Variants in CC2D2A observed in about 807,000 individuals in gnomAD.
CC2D2A encodes coiled-coil and C2 domain containing 2A.
CC2D2A carries 155 observed loss-of-function variants against 212.9 expected under a neutral mutation model. The observed-to-expected ratio is 0.73, with a 90% CI of 0.64 to 0.83. The LOEUF (loss-of-function observed/expected upper bound fraction) is 0.83. Among genes scored for constraint, CC2D2A ranks in the 40% least tolerant of loss-of-function variants. CC2D2A has a pLI of 0.00. For missense variants in CC2D2A, 1,856 were observed against 1,956.2 expected (o/e 0.95, Z 0.97); for synonymous variants, 667 against 686.5 (o/e 0.97, Z 0.44).
chr4:15,559,386 A>G, intron 22 of CC2D2A, 129 bp downstream of exon 22: 1 of 607,594 alleles, frequency 1.6e-6, no homozygotes, highest in East Asian at 2.9e-5. Context: ...AAATTTCCTC[A>G]TAAACACAAA....
At chr4:15,502,652 G>C in intron 5 of CC2D2A, 135 bp downstream of exon 5, 1 of 1,009,408 alleles carries the variant, frequency 9.9e-7, no homozygotes, top group Admixed American at 2.7e-5. Context: ...AAATGTTAAT[G>C]TCTTATTTTG....
At position 15,569,311 on chromosome 4, in the gene CC2D2A, TAGCACAGC is replaced by T. The variant is rs1560187743; in HGVS notation, c.3418_3425del (p.Ser1140GlnfsTer12). On this transcript the variant is annotated frameshift_variant, in exon 27 of 37. Transcript: ENST00000424120. LOFTEE classifies it high-confidence loss of function. ...CTTGCAGGGCTCCTAATGGAGATTA[TAGCACAGC>T]CAGTCTGCAGTCAGTGAAAGATGTT... is the stretch of plus-strand genomic sequence containing the variant. 1.3e-6 allele frequency: 2 copies of T among 1,579,068 alleles called. No homozygotes were observed. The highest frequency in any genetic ancestry group is 2.7e-5 in the African/African-American group (2 of 74,380).
chr4:15,482,638 A>G (rs1271622969), intron 4 of CC2D2A, among the ~76,000 whole-genome samples: 8 of 152,134 alleles, frequency 5.3e-5, no homozygotes, highest in African/African-American at 1.2e-4. Flanking sequence ...TACAGGTTCT[A>G]TCTCTAAATG....
rs201740433 is a variant in CC2D2A, at chr4:15,487,792, A to T, written c.247+6965A>T. On this transcript the variant is annotated intron_variant, in intron 4 of 36. Transcript: ENST00000424120. Reference sequence around the variant, plus strand: ...TTTTCTCCAGTAGTATGTTAAAAAAATTTTTTTTTTTGTACCTGTCATAGG... The same window carrying T: ...TTTTCTCCAGTAGTATGTTAAAAAATTTTTTTTTTTTGTACCTGTCATAGG... Among the ~76,000 whole-genome samples the T allele has an allele frequency of 1.9e-3, 280 of 147,498 alleles. 3 individuals are homozygous for T. Among genetic ancestry groups the T allele is most frequent in the East Asian group, 4.9e-3 (25 of 5,070 alleles).
In CC2D2A at chr4:15,573,334, AGGCTGGAGTGCAGTGGCGCCATCTC is replaced by A. The variant is rs547786245; in HGVS notation, c.3595-811_3595-787del. Reference sequence around the variant, plus strand: ...GAGACAGAGTCTGGTTCTGTCATCCAGGCTGGAGTGCAGTGGCGCCATCTCGGCTCACTGCAACCTCCACCTCCCA... The same window carrying A: ...GAGACAGAGTCTGGTTCTGTCATCCAGGCTCACTGCAACCTCCACCTCCCA... On this transcript the variant is annotated intron_variant, in intron 28 of 36. Transcript: ENST00000424120. Among the ~76,000 whole-genome samples, 409 of 152,346 alleles carry A rather than the reference AGGCTGGAGTGCAGTGGCGCCATCTC, an allele frequency of 2.7e-3. 2 individuals carry two copies. Among genetic ancestry groups the A allele is most frequent in the Non-Finnish European group, 3.2e-3 (216 of 68,036 alleles).
intron 18 of CC2D2A, 129 bp from the exon 19 acceptor site, chr4:15,553,029 A>T: frequency 1.4e-6 from 1 of 709,416 alleles, no homozygotes; most frequent in Non-Finnish European, 2.2e-6. Context: ...CACTGGCTTG[A>T]ATCATGTGCT....
At chr4:15,497,262 T>C (rs1440979751) in intron 4 of CC2D2A, among the ~76,000 whole-genome samples, 2 of 152,128 alleles carry the variant, frequency 1.3e-5, no homozygotes, top group Non-Finnish European at 2.9e-5. Flanking sequence ...ACATTTTTCC[T>C]CTCAGTCCTG....
intron 33 of CC2D2A, among the ~76,000 whole-genome samples, chr4:15,591,219 A>AT (rs10706968): frequency 1.8e-4 from 20 of 113,574 alleles, no homozygotes; most frequent in African/African-American, 4.8e-4. Context: ...CCATCAGTCT[A>AT]TTTTTTTTTT....
intron 1 of CC2D2A, among the ~76,000 whole-genome samples, chr4:15,475,103 G>A (rs1714093278): frequency 6.6e-6 from 1 of 152,016 alleles, no homozygotes; most frequent in Non-Finnish European, 1.5e-5. Context: ...GTGAAACCCT[G>A]TCTCTACTAA....
At chr4:15,486,805 G>A (rs140509939) in intron 4 of CC2D2A, among the ~76,000 whole-genome samples, 46 of 151,776 alleles carry the variant, frequency 3.0e-4, no homozygotes, top group Admixed American at 4.6e-4. Context: ...ATTCCCTTCC[G>A]GTAATGCTTT....
At chr4:15,506,582 C>G (rs745547503) in intron 6 of CC2D2A, among the ~76,000 whole-genome samples, 1 of 152,132 alleles carries the variant, frequency 6.6e-6, no homozygotes, top group African/African-American at 2.4e-5. Flanking sequence ...GTTGACTTCT[C>G]GGTTTGTTTT....
rs4280724 is a variant in CC2D2A at position 15,574,128 on chromosome 4, C to T, written c.3595-22C>T. On this transcript the variant is annotated intron_variant, in intron 28 of 36. Transcript: ENST00000424120. Reference sequence around the variant, plus strand: ...GTTGGAAAAAGCATCAGGATGTTTACCAAGTCATATTTTCTTCACAGATTG... The same window carrying T: ...GTTGGAAAAAGCATCAGGATGTTTATCAAGTCATATTTTCTTCACAGATTG... 429,200 of 1,514,516 alleles carry T rather than the reference C, an allele frequency of 0.28. 62,265 individuals carry two copies. Among genetic ancestry groups the T allele is most frequent in the East Asian group, 0.44 (17,609 of 40,254 alleles). 93.8% of individuals were successfully genotyped at this position (1,514,516 alleles called of 1,614,324 possible).
chr4:15,536,712 AACTT>A (rs1175772451), intron 14 of CC2D2A, among the ~76,000 whole-genome samples: 3 of 152,140 alleles, frequency 2.0e-5, no homozygotes, highest in African/African-American at 7.2e-5. Flanking sequence ...TGTTCTTGGG[AACTT>A]ACTTAACTTC....
chr4:15,514,461 C>A (rs1716743976), intron 8 of CC2D2A, among the ~76,000 whole-genome samples: 1 of 152,226 alleles, frequency 6.6e-6, no homozygotes, highest in Non-Finnish European at 1.5e-5. Flanking sequence ...CTTACCACTT[C>A]TCTTCTGAAA....
chr4:15,533,082 C>T, intron 13 of CC2D2A, 111 bp from the exon 14 acceptor site: 1 of 834,608 alleles, frequency 1.2e-6, no homozygotes, highest in Non-Finnish European at 1.8e-6. Context: ...GTACTTGTTT[C>T]AAAATACGGT....
chr4:15,556,080 T>A (rs1291116865), intron 20 of CC2D2A, among the ~76,000 whole-genome samples: 1 of 152,266 alleles, frequency 6.6e-6, no homozygotes, highest in East Asian at 1.9e-4. Flanking sequence ...AGATCTACCA[T>A]AATATTCAAA....
intron 18 of CC2D2A, 60 bp from the exon 19 acceptor site, chr4:15,553,098 C>T: frequency 6.8e-7 from 1 of 1,471,152 alleles, no homozygotes; most frequent in Non-Finnish European, 9.0e-7. Context: ...GCTTTCTTGC[C>T]AGGACTAGGC....
At chr4:15,595,991 TCTG>T in intron 33 of CC2D2A, 91 bp from the exon 34 acceptor site, 17 of 831,640 alleles carry the variant, frequency 2.0e-5, no homozygotes, top group Non-Finnish European at 2.9e-5. Flanking sequence ...TTGCTGTCTC[TCTG>T]CTGCCTCTAT....
intron 1 of CC2D2A, among the ~76,000 whole-genome samples, chr4:15,473,983 C>T (rs932578603): frequency 6.6e-6 from 1 of 152,132 alleles, no homozygotes; most frequent in African/African-American, 2.4e-5. Flanking sequence ...GTCCATCAAG[C>T]AGATACTTGA....
Sources: gnomAD v4.1 joint callset for allele counts (sites outside exome capture counted in the v4.1 genomes callset) on GRCh38, gnomAD v4.1.1 for gene constraint, MANE v1.5 for transcripts, NCBI Gene and HGNC (gene_info 2026-07-23, HGNC 2026-07-21) for gene names.